Variants in PHF12 observed in about 807,000 individuals in gnomAD.
PHF12 encodes the protein PHD factor 1.
In PHF12, 6 loss-of-function variants were observed where a neutral mutation model predicts 99.8. The observed-to-expected ratio is 0.06, with a 90% CI of 0.03 to 0.12. The LOEUF (loss-of-function observed/expected upper bound fraction) is 0.12. Ranked by LOEUF, PHF12 falls within the 10% of genes least tolerant of loss-of-function variation. The probability of loss-of-function intolerance (pLI) is 1.00; values close to 1 mark genes in which losing one functional copy is unlikely to be tolerated. For synonymous variants in PHF12, 480 were observed against 514.9 expected, an observed-to-expected ratio of 0.93 and a Z score of 0.92; for missense variants, 954 against 1,300.1, an observed-to-expected ratio of 0.73 and a Z score of 4.09.
In PHF12 at chr17:28,919,698, G is replaced by T. The variant is rs937720952; in HGVS notation, c.837-423C>A. Among the ~76,000 whole-genome samples, 16 of 152,302 alleles carry T rather than the reference G, an allele frequency of 1.1e-4. No individual in the cohort carries two copies. The South Asian group carries it at 2.1e-3, about 20-fold the overall frequency. ...GGAGGTTGCAGTGAGCCAAGATGGC[G>T]CCACTGCACTCCAGCCTGGGTGACA... On this transcript the variant is annotated intron_variant, in intron 5 of 14. Coordinates refer to ENST00000332830, the MANE Select transcript of PHF12 (RefSeq NM_001033561.2).
chr17:28,912,896 A>C lies in PHF12; in HGVS notation c.1675T>G (p.Ser559Ala). Residue 559 changes from serine (S) to alanine (A), a missense_variant, in exon 9 of 15, where the codon TCC (serine) becomes GCC (alanine). Physicochemically the swap from Ser to Ala is moderately conservative, Grantham distance 99. Transcript: ENST00000332830. Reference sequence around the variant, plus strand: ...CCTGGAAGTCGCCGGGGGTCCGTGGAATCAGTAGGGCTGCTGTAGAGGTGT... The same window carrying C: ...CCTGGAAGTCGCCGGGGGTCCGTGGCATCAGTAGGGCTGCTGTAGAGGTGT... ...GPHLYSSPTD[S>A]TDPRRLPGAN... 6.2e-7 allele frequency: 1 copy of C among 1,613,552 alleles called. No homozygotes were observed. The highest frequency in any genetic ancestry group is 8.5e-7 in the Non-Finnish European group (1 of 1,179,532).
intron 2 of PHF12, among the ~76,000 whole-genome samples, chr17:28,930,309 T>C (rs1184306078): frequency 1.3e-5 from 2 of 152,224 alleles, no homozygotes; most frequent in Non-Finnish European, 2.9e-5. Context: ...TGCACCACAC[T>C]GTATTCAAAC....
rs1363998404 is a variant in PHF12, at chr17:28,912,730, G to A, written c.1841C>T (p.Pro614Leu). 2 of 1,614,094 alleles carry A rather than the reference G, an allele frequency of 1.2e-6. No individual in the cohort carries two copies. Among genetic ancestry groups the A allele is most frequent in the Non-Finnish European group, 1.7e-6 (2 of 1,180,048 alleles). Residue 614 changes from proline (P) to leucine (L), a missense_variant, in exon 9 of 15, where the codon CCC becomes CTC. Coordinates refer to ENST00000332830, the MANE Select transcript of PHF12 (RefSeq NM_001033561.2). ...TGGGACAGGAACCAAACTCCTCTGGGGGCAAGAGCTGGGGCCAGTGGCATT... is the reference window on the plus strand; with the variant it reads ...TGGGACAGGAACCAAACTCCTCTGGAGGCAAGAGCTGGGGCCAGTGGCATT... ...TENATGPSSC[P>L]QRSLVPVPSL...
At chr17:28,941,999 T>A (rs1272802703) in intron 2 of PHF12, among the ~76,000 whole-genome samples, 1 of 152,152 alleles carries the variant, frequency 6.6e-6, no homozygotes, top group Non-Finnish European at 1.5e-5. Flanking sequence ...CAGGTGAGCA[T>A]CCTATCTAAA....
rs376522228 is a variant in PHF12 at position 28,917,371 on chromosome 17, C to T, written c.1048G>A (p.Val350Ile). The change falls in exon 7 of 15, where the codon GTC (valine) becomes ATC (isoleucine). Residue 350 changes from valine to isoleucine, a missense_variant. Around this residue, in one of 8 missense-constraint regions of PHF12, gnomAD observed 85 missense variants for 196.6 expected, o/e 0.43. Transcript: ENST00000332830. Reference sequence around the variant, plus strand: ...ATTCGGTTCAGGAAGTCCACTTTGACGACATGCTGCGAAACGGTGTCCTGG... The same window carrying T: ...ATTCGGTTCAGGAAGTCCACTTTGATGACATGCTGCGAAACGGTGTCCTGG... ...RFQDTVSQHV[V>I]KVDFLNRIHK... The T allele has an allele frequency of 6.8e-5, 110 of 1,614,130 alleles. 2 individuals are homozygous for T. Among genetic ancestry groups the T allele is most frequent in the South Asian group, 2.4e-4 (22 of 91,076 alleles).
chr17:28,906,145 G>A lies in PHF12; in HGVS notation c.*38C>T. 6.5e-7 allele frequency: 1 copy of A among 1,544,642 alleles called. No homozygotes were observed. Among genetic ancestry groups the A allele is most frequent in the Non-Finnish European group, 8.8e-7 (1 of 1,139,840 alleles). Reference sequence around the variant, plus strand: ...ACATTTTTGCATTGCAGGAGTCTTGGGTGGGTGTACAGGCCAGTGGCGGGG... The same window carrying A: ...ACATTTTTGCATTGCAGGAGTCTTGAGTGGGTGTACAGGCCAGTGGCGGGG... On this transcript the variant is annotated 3_prime_UTR_variant, in exon 15 of 15. Coordinates refer to ENST00000332830, the MANE Select transcript of PHF12 (RefSeq NM_001033561.2). This position sits in a 1 kb window ranked among gnomAD's most constrained non-coding sequence, Gnocchi z 4.2.
At chr17:28,915,859 G>C (rs2040052401) in intron 7 of PHF12, among the ~76,000 whole-genome samples, 1 of 152,158 alleles carries the variant, frequency 6.6e-6, no homozygotes, top group East Asian at 1.9e-4. Context: ...CATGCCCTTT[G>C]AGTTTCCTCA....
intron 4 of PHF12, 89 bp downstream of exon 4, chr17:28,923,819 TG>T: frequency 7.0e-7 from 1 of 1,432,020 alleles, no homozygotes; most frequent in Non-Finnish European, 9.4e-7. Context: ...AGTAGCTACA[TG>T]AACAGTGACT....
rs752874151 is a variant in PHF12 at position 28,906,230 on chromosome 17, G to C, written c.2968C>G (p.Leu990Val). 1.1e-5 allele frequency: 17 copies of C among 1,612,084 alleles called. No individual in the cohort carries two copies. The South Asian group carries it at 1.6e-4, about 16-fold the overall frequency. ...QDGVLAEKLS[L>V]KPHQGPVLRS... ...AGCACAGGGCCCTGGTGGGGCTTGA[G>C]AGAGAGCTTCTCGGCCAAGACCCCA... The change falls in exon 15 of 15, where the codon CTC becomes GTC. Residue 990 changes from leucine to valine, a missense_variant. Around this residue, in one of 8 missense-constraint regions of PHF12, gnomAD observed 136 missense variants for 172.3 expected, o/e 0.79. Transcript: ENST00000332830. This position sits in a 1 kb window ranked among gnomAD's most constrained non-coding sequence, Gnocchi z 4.2.
At chr17:28,934,610 ATTTTTTTT>A (rs561144385) in intron 2 of PHF12, among the ~76,000 whole-genome samples, 1 of 126,516 alleles carries the variant, frequency 7.9e-6, no homozygotes, top group African/African-American at 3.0e-5. Flanking sequence ...TTTCTTTTCT[ATTTTTTTT>A]TTTTTTTTTT....
intron 2 of PHF12, among the ~76,000 whole-genome samples, chr17:28,936,924 G>A (rs975179109): frequency 4.6e-5 from 7 of 152,044 alleles, no homozygotes; most frequent in Admixed American, 2.0e-4. Context: ...CTGGCCCTGC[G>A]GCCCTCATCC....
chr17:28,939,497 C>T (rs1486261929), intron 2 of PHF12, among the ~76,000 whole-genome samples: 1 of 152,188 alleles, frequency 6.6e-6, no homozygotes, highest in Non-Finnish European at 1.5e-5. Flanking sequence ...TGTAGAGTTT[C>T]CCTCTAAAGC....
At position 28,913,089 on chromosome 17, in the gene PHF12, C is replaced by G; in HGVS notation, c.1482G>C (p.Leu494Phe). ...DKTPTPSHYP[L>F]SCPSGISTQN... ...GGGTGCTAATCCCTGAGGGGCAGGA[C>G]AAGGGGTAGTGGGAAGGTGTAGGTG... Residue 494 changes from leucine to phenylalanine, a missense_variant, in exon 9 of 15, where the codon TTG becomes TTC. Around this residue, in one of 8 missense-constraint regions of PHF12, gnomAD observed 392 missense variants for 423.1 expected, o/e 0.93. Coordinates refer to ENST00000332830, the MANE Select transcript of PHF12 (RefSeq NM_001033561.2). 6.2e-7 allele frequency: 1 copy of G among 1,614,096 alleles called. No homozygotes were observed. The highest frequency in any genetic ancestry group is 8.5e-7 in the Non-Finnish European group (1 of 1,180,008).
rs2040782479 is a variant in PHF12, at chr17:28,950,113, T to C, written c.200A>G (p.Asp67Gly). The part of the protein sequence containing the change: ...DSCDSCKEGG[D>G]LLCCDHCPAA... ...CGGGCAGTGGTCGCAGCACAGGAGA[T>C]CTCCACCTTCCTTGCAGCTATCGCA... Residue 67 changes from aspartate to glycine, a missense_variant, in exon 2 of 15, where the codon GAT becomes GGT. Asp to Gly is a moderately conservative substitution (Grantham distance 94, BLOSUM62 -1). Coordinates refer to ENST00000332830, the MANE Select transcript of PHF12 (RefSeq NM_001033561.2). The surrounding 1 kb of genome is among the most constrained non-coding windows in gnomAD (Gnocchi z 5.7). 1 of 1,613,680 alleles carries C rather than the reference T, an allele frequency of 6.2e-7. No individual in the cohort carries two copies. The highest frequency in any genetic ancestry group is 8.5e-7 in the Non-Finnish European group (1 of 1,179,970).
At chr17:28,910,068 C>G in intron 11 of PHF12, 158 bp downstream of exon 11, 1 of 1,101,494 alleles carries the variant, frequency 9.1e-7, no homozygotes, top group Non-Finnish European at 1.4e-6. Context: ...TGTTCCTGCT[C>G]TCTTCAGAAA....
At chr17:28,943,601 G>A (rs1025918447) in intron 2 of PHF12, among the ~76,000 whole-genome samples, 12 of 152,126 alleles carry the variant, frequency 7.9e-5, no homozygotes, top group African/African-American at 2.9e-4. Flanking sequence ...CTGCATTTCA[G>A]CCTAGGCAAC....
rs1567975319 is a variant in PHF12 at position 28,950,176 on chromosome 17, T to C, written c.137A>G (p.Glu46Gly). The C allele has an allele frequency of 1.2e-6, 2 of 1,613,622 alleles. No homozygotes were observed. Among genetic ancestry groups the C allele is most frequent in the Non-Finnish European group, 1.7e-6 (2 of 1,179,986 alleles). The change falls in exon 2 of 15, where the codon GAG becomes GGG. Residue 46 changes from glutamate (E) to glycine (G), a missense_variant. By Grantham distance (98) the Glu-to-Gly change is moderately conservative (BLOSUM62 -2). Around this residue, in one of 8 missense-constraint regions of PHF12, gnomAD observed 66 missense variants for 69.4 expected, o/e 0.95. Coordinates refer to ENST00000332830, the MANE Select transcript of PHF12 (RefSeq NM_001033561.2). This position sits in a 1 kb window ranked among gnomAD's most constrained non-coding sequence, Gnocchi z 5.7. ...GGTGGCCCTGCCGCTTCTCCGGGGC[T>C]CCTTCTCAGGCTTCCGACTGCGCTT... ...AEKRSRKPEK[E>G]PRRSGRATNH...
intron 5 of PHF12, 93 bp from the exon 6 acceptor site, chr17:28,919,368 AAC>A (rs1380125867): frequency 6.1e-3 from 15 of 2,444 alleles, no homozygotes; most frequent in Non-Finnish European, 0.025. Context: ...CCTTGATCCT[AAC>A]ATTCTCCCCT....
rs1216517440 is a variant in PHF12 at position 28,951,264 on chromosome 17, C to T, written c.-304G>A. On this transcript the variant is annotated 5_prime_UTR_variant, in exon 1 of 15. In the 5' UTR this introduces an upstream ATG that the reference lacks. Coordinates refer to ENST00000332830, the MANE Select transcript of PHF12 (RefSeq NM_001033561.2). Reference sequence around the variant, plus strand: ...CTAGTCCCACAGGCTAAAGCCGGCACTGGCGACAGCCGGTCCGGCCGGGAA... The same window carrying T: ...CTAGTCCCACAGGCTAAAGCCGGCATTGGCGACAGCCGGTCCGGCCGGGAA... The T allele has an allele frequency of 1.7e-6, 2 of 1,197,688 alleles. No individual in the cohort carries two copies. Among genetic ancestry groups the T allele is most frequent in the South Asian group, 2.4e-5 (1 of 42,194 alleles). The allele number at this position is 1,197,688 out of a possible 1,614,324, so 74.2% of individuals were successfully genotyped here. A position where few individuals can be genotyped will look rare whatever the true frequency, so the allele number is the denominator to read the frequency against.
Sources: allele counts gnomAD v4.1 joint callset (sites outside exome capture counted in the v4.1 genomes callset), GRCh38; gene constraint gnomAD v4.1.1; regional missense constraint gnomAD v4.1.1; non-coding constraint Gnocchi (gnomAD v3.1); transcripts MANE v1.5; gene names NCBI Gene and HGNC (gene_info 2026-07-23, HGNC 2026-07-21).